UBE2D4: variants seen among roughly 807,000 people sequenced by gnomAD.
The protein encoded by UBE2D4 is ubiquitin conjugating enzyme E2 D4.
Under a neutral mutation model 23.0 loss-of-function variants are expected in UBE2D4, and 17 were observed. That is an observed-to-expected ratio of 0.74 (90% CI 0.51 to 1.11). The LOEUF (loss-of-function observed/expected upper bound fraction) is 1.11. UBE2D4 is among the 50% of genes least tolerant of loss of function. The probability of loss-of-function intolerance (pLI) is 0.00; values close to 1 mark genes in which losing one functional copy is unlikely to be tolerated. For synonymous variants in UBE2D4, 61 were observed against 69.4 expected, an observed-to-expected ratio of 0.88 and a Z score of 0.60; for missense variants, 139 against 181.8, an observed-to-expected ratio of 0.76 and a Z score of 1.35.
intron 1 of UBE2D4, among the ~76,000 whole-genome samples, chr7:43,929,195 C>T (rs776854886): frequency 7.9e-5 from 12 of 152,018 alleles, no homozygotes; most frequent in Non-Finnish European, 1.8e-4. Flanking sequence ...GAGGCCAAGG[C>T]GGGTGTATCA....
At chr7:43,936,474 C>T (rs958902321) in intron 1 of UBE2D4, among the ~76,000 whole-genome samples, 1 of 151,890 alleles carries the variant, frequency 6.6e-6, no homozygotes, top group East Asian at 1.9e-4. Flanking sequence ...TCTACTTAAT[C>T]CTTTACAATT....
At chr7:43,945,643 TA>T (rs11346046) in intron 4 of UBE2D4, among the ~76,000 whole-genome samples, 15,519 of 151,900 alleles carry the variant, frequency 0.1, 1,039 homozygotes, top group Admixed American at 0.17. Flanking sequence ...AAAGTAAGTT[TA>T]AAAAAAACTA....
intron 6 of UBE2D4, among the ~76,000 whole-genome samples, chr7:43,951,031 C>A (rs1485020262): frequency 1.3e-5 from 2 of 152,182 alleles, no homozygotes; most frequent in African/African-American, 4.8e-5. Flanking sequence ...AATCTGACAA[C>A]AAGAAAAATT....
Position 43,950,678 on chromosome 7 carries a change from G to A in UBE2D4, c.384G>A (p.Lys128=). 1 of 1,614,130 alleles carries A rather than the reference G, an allele frequency of 6.2e-7. No homozygotes were observed. The highest frequency in any genetic ancestry group is 8.5e-7 in the Non-Finnish European group (1 of 1,179,986). Residue 128 remains lysine (K), a synonymous_variant, in exon 6 of 7, where the codon AAG becomes AAA. Coordinates refer to ENST00000222402, the MANE Select transcript of UBE2D4 (RefSeq NM_015983.4). ...PLVPEIAHTY[K]ADREKYNRLA... is the part of the protein sequence containing the mutation. Reference sequence around the variant, plus strand: ...TGCCAGAGATAGCACACACCTACAAGGCCGACAGAGAGAAGTACGTGTCCT... The same window carrying A: ...TGCCAGAGATAGCACACACCTACAAAGCCGACAGAGAGAAGTACGTGTCCT...
Position 43,953,620 on chromosome 7 carries a change from T to C in UBE2D4, c.*925T>C, listed in dbSNP as rs1222089529. The C allele has an allele frequency of 5.8e-6, 1 of 171,182 alleles. No homozygotes were observed. The highest frequency in any genetic ancestry group is 2.4e-5 in the African/African-American group (1 of 41,920). The allele number at this position is 171,182 out of a possible 1,614,324, so 10.6% of individuals were successfully genotyped here. ...TTTAGGCAAAACAGAAGATACACAC[T>C]ATTAACAGTTATTTGAAGCCTTAAA... On this transcript the variant is annotated 3_prime_UTR_variant, in exon 7 of 7. Coordinates refer to ENST00000222402, the MANE Select transcript of UBE2D4 (RefSeq NM_015983.4).
chr7:43,950,950 T>C (rs1314826266), intron 6 of UBE2D4, among the ~76,000 whole-genome samples: 1 of 152,242 alleles, frequency 6.6e-6, no homozygotes, highest in South Asian at 2.1e-4. Flanking sequence ...TGCTACTGTA[T>C]ATGAAAACAT....
chr7:43,950,517 A>T, intron 5 of UBE2D4, 82 bp from the exon 6 acceptor site: 2 of 1,013,730 alleles, frequency 2.0e-6, no homozygotes, highest in South Asian at 2.7e-5. Flanking sequence ...CAAAATACAG[A>T]GTGCAAGTTC....
intron 2 of UBE2D4, chr7:43,942,426 G>C: frequency 2.8e-6 from 1 of 354,906 alleles, no homozygotes; most frequent in Non-Finnish European, 5.3e-6. Context: ...ATGCTCTCAG[G>C]GTGGAGCTCC....
intron 1 of UBE2D4, among the ~76,000 whole-genome samples, chr7:43,929,392 C>T (rs1033674068): frequency 6.7e-5 from 10 of 149,506 alleles, no homozygotes; most frequent in East Asian, 3.9e-4. Flanking sequence ...TGCCACTGCA[C>T]TCCAGCCTGG....
In UBE2D4 at chr7:43,952,656, C is replaced by T. The variant is rs756822625; in HGVS notation, c.405C>T (p.Asn135=). 6.2e-7 allele frequency: 1 copy of T among 1,613,804 alleles called. No individual in the cohort carries two copies. The highest frequency in any genetic ancestry group is 2.2e-5 in the East Asian group (1 of 44,876). The part of the protein sequence containing the change: ...HTYKADREKY[N]RLAREWTQKY... ...CTCTGCTTTTTTATTCCAGGTACAA[C>T]AGACTAGCAAGAGAGTGGACACAAA... Residue 135 remains asparagine, a synonymous_variant, in exon 7 of 7, where the codon AAC becomes AAT. Transcript: ENST00000222402.
At chr7:43,945,776 CTTTTTTTT>C (rs11339851) in intron 4 of UBE2D4, among the ~76,000 whole-genome samples, 12 of 84,190 alleles carry the variant, frequency 1.4e-4, no homozygotes, top group Admixed American at 3.3e-4. Context: ...GGCAAAATCC[CTTTTTTTT>C]TTTTTTTTTT....
chr7:43,933,816 AT>A (rs1373501419), intron 1 of UBE2D4, among the ~76,000 whole-genome samples: 5 of 152,104 alleles, frequency 3.3e-5, no homozygotes, highest in African/African-American at 1.2e-4. Context: ...CAAGATGAAT[AT>A]TTTTTCAAAT....
intron 1 of UBE2D4, 128 bp downstream of exon 1, chr7:43,926,684 G>A (rs1344777024): frequency 5.0e-6 from 5 of 1,003,348 alleles, no homozygotes; most frequent in Non-Finnish European, 6.9e-6. Context: ...CTGGGAAGGA[G>A]GCAGAACAGC....
intron 4 of UBE2D4, 200 bp downstream of exon 4, chr7:43,943,231 G>T (rs1234629037): frequency 4.9e-6 from 3 of 615,700 alleles, no homozygotes; most frequent in Non-Finnish European, 8.6e-6. Context: ...AAGGGTCAGT[G>T]GGGTGAGCTG....
chr7:43,950,558 CTTCGTGGCT>C, intron 5 of UBE2D4, 32 bp from the exon 6 acceptor site: 1 of 1,558,806 alleles, frequency 6.4e-7, no homozygotes, highest in Non-Finnish European at 8.8e-7. Context: ...GACCCAGCAG[CTTCGTGGCT>C]ACAGCTGACC....
intron 1 of UBE2D4, among the ~76,000 whole-genome samples, chr7:43,927,229 A>C (rs2095933753): frequency 6.6e-6 from 1 of 151,622 alleles, no homozygotes; most frequent in African/African-American, 2.4e-5. Context: ...TAAAACAATT[A>C]TACTGCATTT....
chr7:43,949,734 C>T (rs1418899678), intron 5 of UBE2D4, among the ~76,000 whole-genome samples: 1 of 152,214 alleles, frequency 6.6e-6, no homozygotes, highest in Non-Finnish European at 1.5e-5. Context: ...CACCACAGCC[C>T]TAGTGGGTGA....
At chr7:43,933,649 C>T (rs1485037873) in intron 1 of UBE2D4, among the ~76,000 whole-genome samples, 1 of 152,102 alleles carries the variant, frequency 6.6e-6, no homozygotes, top group Non-Finnish European at 1.5e-5. Context: ...GAGGGTGAGA[C>T]ACCAGAATTG....
At chr7:43,949,175 C>G (rs965681378) in intron 5 of UBE2D4, 9 of 224,044 alleles carry the variant, frequency 4.0e-5, no homozygotes, top group Admixed American at 5.3e-5. Flanking sequence ...CCTCCCTTCC[C>G]AAAATAAATG....
Sources: gnomAD v4.1 joint callset for allele counts (sites outside exome capture counted in the v4.1 genomes callset) on GRCh38, gnomAD v4.1.1 for gene constraint, MANE v1.5 for transcripts, NCBI Gene and HGNC (gene_info 2026-07-23, HGNC 2026-07-21) for gene names.